The following NPEPPS variants were observed in gnomAD, a reference collection of about 807,000 sequenced individuals.
The protein encoded by NPEPPS is puromycin-sensitive aminopeptidase.
In NPEPPS, 14 loss-of-function variants were observed where a neutral mutation model predicts 115.5. The observed-to-expected ratio is 0.12, with a 90% CI of 0.08 to 0.19. The LOEUF (loss-of-function observed/expected upper bound fraction) is 0.19. Ranked by LOEUF, NPEPPS falls within the 10% of genes least tolerant of loss-of-function variation. The pLI, the probability that NPEPPS is intolerant of heterozygous loss-of-function variation, is 1.00. For missense variants in NPEPPS, 523 were observed against 1,110.8 expected (o/e 0.47, Z 7.52); for synonymous variants, 285 against 390.6 (o/e 0.73, Z 3.19).
chr17:47,616,994 C>CTCTTATACATTTATAGT (rs2143978956), intron 19 of NPEPPS, among the ~76,000 whole-genome samples: 1 of 151,956 alleles, frequency 6.6e-6, no homozygotes, highest in East Asian at 1.9e-4. Context: ...GGAGACATAG[C>CTCTTATACATTTATAGT]TCTTATACAT....
chr17:47,613,619 C>CT lies in NPEPPS; in HGVS notation c.2239-48dup, dbSNP rs572269111. On this transcript the variant is annotated intron_variant, in intron 18 of 22. Transcript: ENST00000322157. ...TCTGTCTTTTCTTAGTATTAGAATA[C>CT]TTGAAACAAGGTACATTTAATCAAA... 733 of 1,424,898 alleles carry CT rather than the reference C, an allele frequency of 5.1e-4. 6 individuals carry two copies. Among genetic ancestry groups the CT allele is most frequent in the South Asian group, 4.0e-3 (343 of 85,058 alleles). 88.3% of individuals were successfully genotyped at this position (1,424,898 alleles called of 1,614,324 possible). A position where few individuals can be genotyped will look rare whatever the true frequency, so the allele number is the denominator to read the frequency against.
intron 9 of NPEPPS, among the ~76,000 whole-genome samples, chr17:47,588,148 A>G (rs1303673603): frequency 6.6e-6 from 1 of 152,264 alleles, no homozygotes; most frequent in Admixed American, 6.5e-5. Flanking sequence ...ATAAGAATGT[A>G]AGACATTTAT....
intron 4 of NPEPPS, chr17:47,581,476 A>C (rs1911868957): frequency 1.3e-5 from 2 of 152,146 alleles, no homozygotes; most frequent in African/African-American, 4.8e-5. Flanking sequence ...AGATATTTTC[A>C]AACTTAAATC....
At chr17:47,549,414 C>A (rs755252884) in intron 2 of NPEPPS, among the ~76,000 whole-genome samples, 1 of 151,850 alleles carries the variant, frequency 6.6e-6, no homozygotes, top group African/African-American at 2.4e-5. Context: ...CGGGAAAAAA[C>A]CTGAAGTCAT....
Position 47,545,933 on chromosome 17 carries a change from G to A in NPEPPS, c.280G>A (p.Val94Met), listed in dbSNP as rs560492787. 3.8e-6 allele frequency: 6 copies of A among 1,562,300 alleles called. No individual in the cohort carries two copies. Among genetic ancestry groups the A allele is most frequent in the South Asian group, 2.3e-5 (2 of 85,582 alleles). ...GGTGAGGCAGGCGACTAATCAGATT[G>A]TGATGAATTGTGCTGATATTGATAT... ...AQVRQATNQI[V>M]MNCADIDIIT... Residue 94 changes from valine to methionine, a missense_variant, in exon 2 of 23, where the codon GTG (valine) becomes ATG (methionine). By Grantham distance (21) the Val-to-Met change is conservative (BLOSUM62 1). Coordinates refer to ENST00000322157, the MANE Select transcript of NPEPPS (RefSeq NM_006310.4).
At chr17:47,577,667 A>G (rs1221303104) in intron 3 of NPEPPS, among the ~76,000 whole-genome samples, 1 of 152,194 alleles carries the variant, frequency 6.6e-6, no homozygotes, top group African/African-American at 2.4e-5. Context: ...ATTAAGCTTC[A>G]GTTGAGTTGG....
At chr17:47,567,581 A>G (rs1241009924) in intron 2 of NPEPPS, among the ~76,000 whole-genome samples, 3 of 151,996 alleles carry the variant, frequency 2.0e-5, no homozygotes, top group Non-Finnish European at 4.4e-5. Context: ...GTCATCTATT[A>G]ATATTTAAAG....
chr17:47,530,102 A>AG (rs370406863), upstream of NPEPPS, among the ~76,000 whole-genome samples: 47 of 124,498 alleles, frequency 3.8e-4, no homozygotes, highest in African/African-American at 1.3e-3. Context: ...AAGCCCGGCT[A>AG]TTTTTTTTTT....
At chr17:47,619,413 G>C in intron 21 of NPEPPS, 1 of 519,950 alleles carries the variant, frequency 1.9e-6, no homozygotes, top group African/African-American at 1.9e-5. Flanking sequence ...AATTAGCTGA[G>C]CGTGGTGGTG....
chr17:47,540,589 A>G (rs147501644), intron 1 of NPEPPS, among the ~76,000 whole-genome samples: 34 of 152,368 alleles, frequency 2.2e-4, no homozygotes, highest in African/African-American at 7.9e-4. Flanking sequence ...TTGGGGTAGT[A>G]CACATGTGCT....
chr17:47,622,043 A>G lies in NPEPPS; in HGVS notation c.*123A>G, dbSNP rs1446712054. On this transcript the variant is annotated 3_prime_UTR_variant, in exon 23 of 23. Coordinates refer to ENST00000322157, the MANE Select transcript of NPEPPS (RefSeq NM_006310.4). ...CTTTCAAACCAGTGGGGGTTGGACA[A>G]TGAATGTAGTTAACTGGTTCCTGCT... 1.5e-6 allele frequency: 2 copies of G among 1,339,030 alleles called. No individual in the cohort carries two copies. The highest frequency in any genetic ancestry group is 2.9e-5 in the African/African-American group (2 of 68,404). The allele number at this position is 1,339,030 out of a possible 1,614,324, so 82.9% of individuals were successfully genotyped here.
intron 19 of NPEPPS, among the ~76,000 whole-genome samples, chr17:47,615,422 T>C (rs1914143117): frequency 6.6e-6 from 1 of 152,130 alleles, no homozygotes; most frequent in African/African-American, 2.4e-5. Context: ...CTGGGCACGG[T>C]GGCATGCACC....
intron 14 of NPEPPS, 143 bp from the exon 15 acceptor site, chr17:47,601,465 C>T (rs1913196158): frequency 2.5e-6 from 2 of 798,834 alleles, no homozygotes; most frequent in Admixed American, 2.5e-5. Flanking sequence ...TTCAGGTTAT[C>T]TGGAAGAGTT....
At chr17:47,583,923 T>TAA (rs58468752) in intron 5 of NPEPPS, among the ~76,000 whole-genome samples, 272 of 140,054 alleles carry the variant, frequency 1.9e-3, no homozygotes, top group Non-Finnish European at 2.2e-3. Flanking sequence ...CCCCATCTCT[T>TAA]AAAAAAAAAA....
intron 2 of NPEPPS, among the ~76,000 whole-genome samples, chr17:47,568,717 G>A (rs1056852057): frequency 6.6e-6 from 1 of 151,580 alleles, no homozygotes; most frequent in African/African-American, 2.4e-5. Flanking sequence ...GTGCAATGAT[G>A]TGATCTTGGC....
At chr17:47,569,351 T>A (rs1597847575) in intron 2 of NPEPPS, 66 bp from the exon 3 acceptor site, 1 of 1,001,568 alleles carries the variant, frequency 1.0e-6, no homozygotes, top group East Asian at 2.5e-5. Flanking sequence ...CTTGAAAATG[T>A]TGCAGTCTTG....
intron 13 of NPEPPS, among the ~76,000 whole-genome samples, chr17:47,598,738 C>G (rs1015111553): frequency 6.6e-6 from 1 of 152,126 alleles, no homozygotes; most frequent in Non-Finnish European, 1.5e-5. Context: ...ACAGTAATGC[C>G]ACACTTCTCA....
intron 11 of NPEPPS, 109 bp from the exon 12 acceptor site, chr17:47,592,376 A>G (rs1436775932): frequency 5.1e-6 from 5 of 984,922 alleles, no homozygotes; most frequent in Non-Finnish European, 7.7e-6. Context: ...GTTTCAGTGT[A>G]TCTGATACTT....
At chr17:47,556,687 G>A (rs1223468100) in intron 2 of NPEPPS, among the ~76,000 whole-genome samples, 1 of 152,172 alleles carries the variant, frequency 6.6e-6, no homozygotes. Context: ...CCTCCCGGAC[G>A]GGGCGGCTGG....
Sources: allele counts gnomAD v4.1 joint callset (sites outside exome capture counted in the v4.1 genomes callset), GRCh38; gene constraint gnomAD v4.1.1; transcripts MANE v1.5; gene names NCBI Gene and HGNC (gene_info 2026-07-23, HGNC 2026-07-21).